The following SMYD4 variants were observed in gnomAD, a reference collection of about 807,000 sequenced individuals.
SMYD4 encodes protein-lysine N-methyltransferase SMYD4.
Under a neutral mutation model 72.8 loss-of-function variants are expected in SMYD4, and 68 were observed. The ratio of observed to expected loss-of-function variants is 0.93; its 90% CI spans 0.77 to 1.14. The LOEUF (loss-of-function observed/expected upper bound fraction) is 1.14, where lower values mean the gene tolerates loss of function less well. Among genes scored for constraint, SMYD4 ranks in the 50% most tolerant of loss-of-function variants. SMYD4 has a pLI of 0.00. For synonymous variants in SMYD4, 407 were observed against 388.6 expected (o/e 1.05, Z -0.56); for missense variants, 984 against 1,003.7 (o/e 0.98, Z 0.27).
At chr17:1,819,859 T>C (rs1352707606) in intron 2 of SMYD4, among the ~76,000 whole-genome samples, 8 of 151,768 alleles carry the variant, frequency 5.3e-5, no homozygotes, top group Non-Finnish European at 1.0e-4. Flanking sequence ...ACGATCCTGG[T>C]TCACTGCAAC....
Position 1,802,672 on chromosome 17 carries a change from G to T in SMYD4, c.370-1648C>A, listed in dbSNP as rs1226216747. 4.6e-5 allele frequency among the ~76,000 whole-genome samples: 7 copies of T among 152,134 alleles called. No individual in the cohort carries two copies. The East Asian group carries it at 1.2e-3, about 25-fold the overall frequency. ...TTTTAGTCTGAAGGGCAGTAAGTGT[G>T]GACTTCTTACTATTCCAATAGTTCT... On this transcript the variant is annotated intron_variant, in intron 4 of 10. Coordinates refer to ENST00000305513, the MANE Select transcript of SMYD4 (RefSeq NM_052928.3).
intron 2 of SMYD4, among the ~76,000 whole-genome samples, chr17:1,827,652 C>T (rs945135588): frequency 6.6e-6 from 1 of 152,072 alleles, no homozygotes; most frequent in East Asian, 1.9e-4. Context: ...GAGATGTTAC[C>T]AGGCCAGACA....
intron 3 of SMYD4, among the ~76,000 whole-genome samples, chr17:1,805,978 C>T (rs1472514676): frequency 1.3e-5 from 2 of 148,396 alleles, no homozygotes; most frequent in South Asian, 4.3e-4. Context: ...GGCTGGAGTG[C>T]AGTGGCTCGA....
intron 4 of SMYD4, among the ~76,000 whole-genome samples, chr17:1,803,554 CG>C (rs1774392822): frequency 6.6e-6 from 1 of 152,130 alleles, no homozygotes; most frequent in Non-Finnish European, 1.5e-5. Context: ...TGCAGTGGCA[CG>C]ATCTCAGCTC....
At chr17:1,822,267 AAC>A (rs1175780810) in intron 2 of SMYD4, among the ~76,000 whole-genome samples, 21 of 152,250 alleles carry the variant, frequency 1.4e-4, no homozygotes, top group Admixed American at 1.2e-3. Flanking sequence ...TGCCAGAAGA[AAC>A]AGTTAATTTA....
chr17:1,796,881 A>G (rs546146277), intron 5 of SMYD4, among the ~76,000 whole-genome samples: 46 of 152,328 alleles, frequency 3.0e-4, no homozygotes, highest in African/African-American at 1.1e-3. Context: ...CCCAAAGGAG[A>G]ACCTAATTCT....
intron 2 of SMYD4, among the ~76,000 whole-genome samples, chr17:1,816,217 A>C (rs1597393965): frequency 6.6e-6 from 1 of 152,140 alleles, no homozygotes; most frequent in Non-Finnish European, 1.5e-5. Context: ...ATTTCATGTA[A>C]ATGTAATCAT....
chr17:1,811,870 T>G, intron 3 of SMYD4, 101 bp downstream of exon 3: 18 of 1,310,672 alleles, frequency 1.4e-5, no homozygotes, highest in Non-Finnish European at 1.9e-5. Context: ...AATGTTGCAG[T>G]GAGCTGAGAT....
chr17:1,794,054 T>C (rs1399552267), intron 5 of SMYD4, among the ~76,000 whole-genome samples: 3 of 69,580 alleles, frequency 4.3e-5, no homozygotes, highest in Non-Finnish European at 6.0e-5. Flanking sequence ...TATATATATG[T>C]GTGTATATAT....
intron 5 of SMYD4, among the ~76,000 whole-genome samples, chr17:1,794,105 A>ATATATATATATATATATTTT (rs1291818005): frequency 7.7e-5 from 1 of 12,982 alleles, no homozygotes; most frequent in Non-Finnish European, 1.4e-4. Flanking sequence ...ATATATATAT[A>ATATATATATATATATATTTT]TTTTTTTTTT....
At position 1,788,117 on chromosome 17, in the gene SMYD4, G is replaced by A. The variant is rs898777594; in HGVS notation, c.1538-513C>T. Among the ~76,000 whole-genome samples the A allele has an allele frequency of 1.2e-4, 19 of 152,178 alleles. No individual in the cohort carries two copies. In the East Asian group the frequency reaches 3.1e-3, roughly 25 times the overall value. On this transcript the variant is annotated intron_variant, in intron 5 of 10. Coordinates refer to ENST00000305513, the MANE Select transcript of SMYD4 (RefSeq NM_052928.3). ...TCCTGCCTGAAATCCCGAGGCTCAC[G>A]CAGAAGAATTGCTTGAGCCCAGGAG...
intron 3 of SMYD4, among the ~76,000 whole-genome samples, chr17:1,807,836 T>C (rs889717637): frequency 3.9e-5 from 6 of 152,128 alleles, no homozygotes; most frequent in African/African-American, 1.4e-4. Flanking sequence ...GGAAATATAC[T>C]CAACAGTGCT....
chr17:1,814,339 G>C lies in SMYD4; in HGVS notation c.135-2224C>G, dbSNP rs1910477054. Among the ~76,000 whole-genome samples, 3 of 152,032 alleles carry C rather than the reference G, an allele frequency of 2.0e-5. No individual in the cohort carries two copies. In the South Asian group the frequency reaches 6.2e-4, roughly 32 times the overall value. ...AAAAACAACAACAAAAAGCCCTGGA[G>C]AATGTTTACAAGTAAGTTAAAAATT... On this transcript the variant is annotated intron_variant, in intron 2 of 10. Transcript: ENST00000305513.
At chr17:1,813,443 A>T (rs569252376) in intron 2 of SMYD4, among the ~76,000 whole-genome samples, 41 of 152,132 alleles carry the variant, frequency 2.7e-4, no homozygotes, top group Non-Finnish European at 5.0e-4. Flanking sequence ...TTGGAGACAG[A>T]GTCTCACTTT....
chr17:1,811,278 C>T (rs900442869), intron 3 of SMYD4, among the ~76,000 whole-genome samples: 1 of 152,152 alleles, frequency 6.6e-6, no homozygotes, highest in Non-Finnish European at 1.5e-5. Flanking sequence ...GCACGCCCTG[C>T]GAGGGGAACA....
chr17:1,794,620 T>C (rs113257363), intron 5 of SMYD4, among the ~76,000 whole-genome samples: 1 of 152,092 alleles, frequency 6.6e-6, no homozygotes, highest in Non-Finnish European at 1.5e-5. Context: ...TGTTAATGAT[T>C]TGAAAAAGAC....
Position 1,812,174 on chromosome 17 carries a change from T to A in SMYD4, c.135-59A>T. 3.8e-6 allele frequency: 6 copies of A among 1,577,732 alleles called. No homozygotes were observed. In the South Asian group the frequency reaches 6.9e-5, roughly 18 times the overall value. On this transcript the variant is annotated intron_variant, in intron 2 of 10. Transcript: ENST00000305513. ...AAATGTGTTATTTCAAGGAAAGCTC[T>A]AAACCATTGCCCTCAAAACAAGAAA...
intron 2 of SMYD4, among the ~76,000 whole-genome samples, chr17:1,816,088 T>C (rs1283041930): frequency 6.6e-6 from 1 of 152,164 alleles, no homozygotes; most frequent in Non-Finnish European, 1.5e-5. Flanking sequence ...TCCAAAGTTT[T>C]TTCATCATCC....
chr17:1,789,849 G>C (rs1474949155), intron 5 of SMYD4, among the ~76,000 whole-genome samples: 2 of 151,292 alleles, frequency 1.3e-5, no homozygotes, highest in Non-Finnish European at 2.9e-5. Flanking sequence ...ACTATCTGTT[G>C]CTAAGGAGAA....
Sources: gnomAD v4.1 joint callset for allele counts (sites outside exome capture counted in the v4.1 genomes callset) on GRCh38, gnomAD v4.1.1 for gene constraint, MANE v1.5 for transcripts, NCBI Gene and HGNC (gene_info 2026-07-23, HGNC 2026-07-21) for gene names.